The following DST variants were observed in gnomAD, a reference collection of about 807,000 sequenced individuals.
DST encodes dystonin.
DST carries 253 observed loss-of-function variants against 875.2 expected under a neutral mutation model. The ratio of observed to expected loss-of-function variants is 0.29; its 90% CI spans 0.26 to 0.32. The LOEUF (loss-of-function observed/expected upper bound fraction) is 0.32, where lower values mean the gene tolerates loss of function less well. Ranked by LOEUF, DST falls within the 10% of genes least tolerant of loss-of-function variation. DST has a pLI of 1.00. For missense variants in DST, 8,287 were observed against 9,111.6 expected, an observed-to-expected ratio of 0.91 and a Z score of 3.68; for synonymous variants, 3,124 against 3,197.1, an observed-to-expected ratio of 0.98 and a Z score of 0.77.
chr6:56,824,662 C>T (rs567614672), intron 4 of DST, among the ~76,000 whole-genome samples: 1 of 151,874 alleles, frequency 6.6e-6, no homozygotes, highest in African/African-American at 2.4e-5. Context: ...GCCGCGACCC[C>T]GTCTGGGAGG....
At chr6:56,618,427 T>C (rs1341134368) in intron 36 of DST, 3 of 1,614,226 alleles carry the variant, frequency 1.9e-6, no homozygotes, top group Admixed American at 1.7e-5. Flanking sequence ...CTGTGCTCTT[T>C]TTTTGAATTT....
At chr6:56,886,728 A>G (rs1784824909) in intron 3 of DST, among the ~76,000 whole-genome samples, 1 of 149,044 alleles carries the variant, frequency 6.7e-6, no homozygotes, top group Admixed American at 6.8e-5. Flanking sequence ...TGAGCCGGAG[A>G]TCGTGCCATT....
At chr6:56,521,535 C>T (rs1450717604) in intron 69 of DST, among the ~76,000 whole-genome samples, 1 of 137,524 alleles carries the variant, frequency 7.3e-6, no homozygotes, top group African/African-American at 2.7e-5. Context: ...ATCTAAGTTG[C>T]CAAAAAAGGA....
intron 4 of DST, among the ~76,000 whole-genome samples, chr6:56,832,681 T>C (rs949345957): frequency 6.6e-6 from 1 of 152,178 alleles, no homozygotes; most frequent in Non-Finnish European, 1.5e-5. Context: ...TCATATTATA[T>C]GCAAAATCAA....
At chr6:56,696,679 C>T (rs2152868281) in intron 9 of DST, among the ~76,000 whole-genome samples, 1 of 152,316 alleles carries the variant, frequency 6.6e-6, no homozygotes, top group East Asian at 1.9e-4. Flanking sequence ...CCAATGTCTT[C>T]TTTCTAGAAC....
rs758568001 is a variant in DST at position 56,529,521 on chromosome 6, T to A, written c.17522A>T (p.His5841Leu). ...VELMNWLNEV[H>L]DKLSKLSVQD... ...GACTGAGAGCTTGCTCAGTTTGTCA[T>A]GCACTTCATTCAGCCAGTTCATCAG... is the stretch of plus-strand genomic sequence containing the variant. Residue 5841 changes from histidine to leucine, a missense_variant, in exon 66 of 104, where the codon CAT (histidine) becomes CTT (leucine). Transcript: ENST00000680361. The A allele has an allele frequency of 3.4e-5, 55 of 1,612,854 alleles. No individual in the cohort carries two copies. In the East Asian group the frequency reaches 1.1e-3, roughly 33 times the overall value.
At chr6:56,463,185 A>C (rs774007786) in intron 101 of DST, 29 bp from the exon 102 acceptor site, 4 of 1,351,986 alleles carry the variant, frequency 3.0e-6, no homozygotes, top group Middle Eastern at 1.8e-4. Context: ...AATCAAATGA[A>C]AAGGATAGCA....
At chr6:56,506,376 T>C (rs996298068) in intron 77 of DST, 67 bp downstream of exon 77, 44 of 1,296,616 alleles carry the variant, frequency 3.4e-5, no homozygotes, top group South Asian at 1.5e-4. Flanking sequence ...GGTGCCAATA[T>C]GTAGACATCA....
At chr6:56,747,637 A>G (rs1272236283) in intron 4 of DST, among the ~76,000 whole-genome samples, 2 of 152,218 alleles carry the variant, frequency 1.3e-5, no homozygotes, top group Non-Finnish European at 2.9e-5. Flanking sequence ...AATCTGTAAC[A>G]TGCTAACCTT....
At chr6:56,561,160 A>C (rs1249284642) in intron 57 of DST, 148 bp downstream of exon 57, 2 of 861,096 alleles carry the variant, frequency 2.3e-6, no homozygotes, top group African/African-American at 3.4e-5. Context: ...CTTTATAGAA[A>C]GGCACATTAA....
At chr6:56,642,576 T>C in intron 15 of DST, 73 bp from the exon 16 acceptor site, 1 of 1,612,174 alleles carries the variant, frequency 6.2e-7, no homozygotes. Flanking sequence ...TGAAAAGTGC[T>C]GCCCATCAAA....
At chr6:56,693,499 C>T (rs867446651) in intron 9 of DST, 26 of 744,086 alleles carry the variant, frequency 3.5e-5, no homozygotes, top group Middle Eastern at 6.6e-4. Context: ...TTTTAACCTT[C>T]GGTTTTCTGA....
intron 2 of DST, among the ~76,000 whole-genome samples, chr6:56,950,052 A>C (rs1562505386): frequency 6.6e-6 from 1 of 152,190 alleles, no homozygotes; most frequent in Non-Finnish European, 1.5e-5. Context: ...TTTCAGTGAA[A>C]ATTTTGGGCA....
chr6:56,818,698 A>G (rs2099769557), intron 4 of DST, among the ~76,000 whole-genome samples: 1 of 152,160 alleles, frequency 6.6e-6, no homozygotes, highest in African/African-American at 2.4e-5. Flanking sequence ...TCAGCCAAAA[A>G]CTTAATATTC....
intron 5 of DST, among the ~76,000 whole-genome samples, chr6:56,727,871 C>T (rs778782699): frequency 3.9e-5 from 6 of 152,154 alleles, no homozygotes; most frequent in Admixed American, 6.5e-5. Context: ...CCAGGAAGGA[C>T]GAAGGACTAA....
chr6:56,529,425 TA>T (rs773874062), intron 66 of DST, 22 bp downstream of exon 66: 1 of 1,410,004 alleles, frequency 7.1e-7, no homozygotes, highest in East Asian at 2.5e-5. Context: ...AAAAATAAGA[TA>T]AAATAAAATA....
At chr6:56,756,077 AT>A (rs2099602134) in intron 4 of DST, among the ~76,000 whole-genome samples, 1 of 152,236 alleles carries the variant, frequency 6.6e-6, no homozygotes, top group African/African-American at 2.4e-5. Context: ...GTCAAGACTA[AT>A]TTTTCCTGTT....
At chr6:56,738,010 G>A (rs2099532123) in intron 4 of DST, among the ~76,000 whole-genome samples, 1 of 152,208 alleles carries the variant, frequency 6.6e-6, no homozygotes, top group Non-Finnish European at 1.5e-5. Context: ...CTCAGTGATA[G>A]TATTATCATT....
chr6:56,869,045 C>T (rs1211874082), intron 3 of DST, among the ~76,000 whole-genome samples: 3 of 152,170 alleles, frequency 2.0e-5, no homozygotes, highest in Non-Finnish European at 2.9e-5. Flanking sequence ...CCTTGGCAGA[C>T]GATGGCTACT....
Sources: allele counts gnomAD v4.1 joint callset (sites outside exome capture counted in the v4.1 genomes callset), GRCh38; gene constraint gnomAD v4.1.1; transcripts MANE v1.5; gene names NCBI Gene and HGNC (gene_info 2026-07-23, HGNC 2026-07-21).